The following PRDM16 variants were observed in gnomAD, a reference collection of about 807,000 sequenced individuals.
The protein encoded by PRDM16 is histone-lysine N-methyltransferase PRDM16.
A neutral mutation model predicts 110.6 loss-of-function variants in PRDM16; 23 were observed. The ratio of observed to expected loss-of-function variants is 0.21; its 90% CI spans 0.15 to 0.29. The LOEUF (loss-of-function observed/expected upper bound fraction) is 0.29, where lower values mean the gene tolerates loss of function less well. Among genes scored for constraint, PRDM16 ranks in the 10% least tolerant of loss-of-function variants. PRDM16 has a pLI of 1.00. For missense variants in PRDM16, 1,615 were observed against 1,794.3 expected (o/e 0.90, Z 1.81); for synonymous variants, 799 against 781.8 (o/e 1.02, Z -0.37).
Position 3,385,097 on chromosome 1 carries a change from GCA to G in PRDM16, c.439-54_439-53del, listed in dbSNP as rs777164667. On this transcript the variant is annotated intron_variant, in intron 3 of 16. Transcript: ENST00000270722. ...GTTTCTGGGTGGGCAGAGGCTGTGT[GCA>G]GACTCCAGCACACAGGGCACCTCTG... is the stretch of plus-strand genomic sequence containing the variant. The G allele has an allele frequency of 7.6e-4, 1,222 of 1,607,046 alleles. 1 individual carries two copies. Among genetic ancestry groups the G allele is most frequent in the Non-Finnish European group, 9.6e-4 (1,126 of 1,176,344 alleles).
chr1:3,217,663 C>G (rs1272137331), intron 2 of PRDM16, among the ~76,000 whole-genome samples: 1 of 152,190 alleles, frequency 6.6e-6, no homozygotes, highest in Non-Finnish European at 1.5e-5. Flanking sequence ...GCAGCGTTTT[C>G]ACTCACGGCC....
At chr1:3,257,735 C>T (rs374672079) in intron 3 of PRDM16, among the ~76,000 whole-genome samples, 1 of 152,138 alleles carries the variant, frequency 6.6e-6, no homozygotes, top group African/African-American at 2.4e-5. Flanking sequence ...TGCAGGCTGG[C>T]GTTTGAAGAC....
chr1:3,252,999 GC>G (rs1639968023), intron 3 of PRDM16, among the ~76,000 whole-genome samples: 1 of 152,056 alleles, frequency 6.6e-6, no homozygotes, highest in African/African-American at 2.4e-5. Context: ...CCAAACACCA[GC>G]CGCGTGTGCA....
intron 1 of PRDM16, among the ~76,000 whole-genome samples, chr1:3,173,871 C>A (rs1334928590): frequency 6.6e-6 from 1 of 152,240 alleles, no homozygotes; most frequent in Non-Finnish European, 1.5e-5. Context: ...AGGGGGCCAA[C>A]AACCTGCTTC....
chr1:3,371,988 G>T (rs544776056), intron 3 of PRDM16, among the ~76,000 whole-genome samples: 1 of 152,214 alleles, frequency 6.6e-6, no homozygotes, highest in African/African-American at 2.4e-5. Flanking sequence ...GAGAATAAGC[G>T]GATGAGAAGA....
chr1:3,260,784 A>T, intron 3 of PRDM16, among the ~76,000 whole-genome samples: 1 of 2,210 alleles, frequency 4.5e-4, no homozygotes, highest in African/African-American at 1.6e-3. Flanking sequence ...GGAGATGATG[A>T]TGATGGCAAT....
Position 3,160,685 on chromosome 1 carries a change from A to G in PRDM16, c.38-25440A>G, listed in dbSNP as rs1430250941. On this transcript the variant is annotated intron_variant, in intron 1 of 16. Transcript: ENST00000270722. ...TAGAACCCCGTCTGGGGCTGACATC[A>G]AGACCCTGATGATGACGGTGACCCT... Among the ~76,000 whole-genome samples the G allele has an allele frequency of 2.0e-5, 3 of 152,164 alleles. 1 individual carries two copies. The highest frequency in any genetic ancestry group is 4.4e-5 in the Non-Finnish European group (3 of 68,016).
intron 2 of PRDM16, among the ~76,000 whole-genome samples, chr1:3,205,321 C>T (rs1001241935): frequency 7.9e-5 from 12 of 152,120 alleles, no homozygotes; most frequent in Admixed American, 5.9e-4. Flanking sequence ...CCGGGGAGAC[C>T]GCCCCTCGTC....
At chr1:3,149,748 T>C (rs991306054) in intron 1 of PRDM16, among the ~76,000 whole-genome samples, 2 of 152,360 alleles carry the variant, frequency 1.3e-5, no homozygotes, top group African/African-American at 4.8e-5. Context: ...CCTTGTTAAT[T>C]ACCATTTCCT....
rs1638760653 is a variant in PRDM16 at position 3,206,702 on chromosome 1, A to G, written c.387+20228A>G. The G allele has an allele frequency of 6.6e-6, 1 of 152,194 alleles. No homozygotes were observed. 9.4% of individuals were successfully genotyped at this position (152,194 alleles called of 1,614,324 possible). A position where few individuals can be genotyped will look rare whatever the true frequency, so the allele number is the denominator to read the frequency against. The stretch of plus-strand genomic sequence containing the variant: ...CGTGCCTGGACCAGTAGCTTCCCAG[A>G]TGTGGCATCTGAGCAAGAGGGGCAG... On this transcript the variant is annotated intron_variant, in intron 2 of 16. Coordinates refer to ENST00000270722, the MANE Select transcript of PRDM16 (RefSeq NM_022114.4). The surrounding 1 kb of genome is among the most constrained non-coding windows in gnomAD (Gnocchi z 4.9).
intron 1 of PRDM16, among the ~76,000 whole-genome samples, chr1:3,077,987 G>A (rs1449515991): frequency 6.6e-6 from 1 of 152,208 alleles, no homozygotes; most frequent in Admixed American, 6.5e-5. Context: ...CACATGCAGT[G>A]GATGCCTCCC....
rs1377040673 is a variant in PRDM16, at chr1:3,350,954, A to G, written c.439-34198A>G. 4.6e-5 allele frequency among the ~76,000 whole-genome samples: 7 copies of G among 152,182 alleles called. No homozygotes were observed. Among genetic ancestry groups the G allele is most frequent in the Admixed American group, 3.9e-4 (6 of 15,284 alleles). ...CTCTCGCTTTATTATGGAGCCTGGG[A>G]GAAAAACAAGTCAGAAGACCATTTC... On this transcript the variant is annotated intron_variant, in intron 3 of 16. Coordinates refer to ENST00000270722, the MANE Select transcript of PRDM16 (RefSeq NM_022114.4). The surrounding 1 kb of genome is among the most constrained non-coding windows in gnomAD (Gnocchi z 7.1).
intron 1 of PRDM16, among the ~76,000 whole-genome samples, chr1:3,152,858 G>A (rs1173218159): frequency 6.6e-6 from 1 of 152,188 alleles, no homozygotes; most frequent in Non-Finnish European, 1.5e-5. Context: ...AGAGGCTTGG[G>A]CCCATCCTTG....
chr1:3,349,486 AG>A (rs1311556576), intron 3 of PRDM16, among the ~76,000 whole-genome samples: 1 of 152,104 alleles, frequency 6.6e-6, no homozygotes, highest in African/African-American at 2.4e-5. Context: ...CAGTCGGCGC[AG>A]CCACTGGGTG....
chr1:3,154,259 G>T (rs1249313013), intron 1 of PRDM16, among the ~76,000 whole-genome samples: 1 of 152,190 alleles, frequency 6.6e-6, no homozygotes, highest in Non-Finnish European at 1.5e-5. Context: ...TGTCACCACG[G>T]GCTGGCGCAC....
chr1:3,360,222 C>T (rs1278376284), intron 3 of PRDM16, among the ~76,000 whole-genome samples: 2 of 152,312 alleles, frequency 1.3e-5, no homozygotes, highest in East Asian at 1.9e-4. Context: ...CAGCTGAGGG[C>T]GCTTGCGGGC....
intron 5 of PRDM16, among the ~76,000 whole-genome samples, chr1:3,400,750 A>G (rs1479300372): frequency 6.6e-6 from 1 of 152,166 alleles, no homozygotes; most frequent in Non-Finnish European, 1.5e-5. Flanking sequence ...GGTTCAGGTC[A>G]GTGAGCAGGG....
chr1:3,071,974 CG>C (rs1276666793), intron 1 of PRDM16, among the ~76,000 whole-genome samples: 1 of 152,142 alleles, frequency 6.6e-6, no homozygotes, highest in Non-Finnish European at 1.5e-5. Flanking sequence ...GTGGCGGCTC[CG>C]GGGGTGACCC....
rs1261847516 is a variant in PRDM16, at chr1:3,255,403, A to C, written c.438+11266A>C. ...AGCCTCCCAGACGGCTCTCACCACAAAGCCAGGGCTGCCCCCGACACTTCA... is the reference window on the plus strand; with the variant it reads ...AGCCTCCCAGACGGCTCTCACCACACAGCCAGGGCTGCCCCCGACACTTCA... On this transcript the variant is annotated intron_variant, in intron 3 of 16. Transcript: ENST00000270722. This position sits in a 1 kb window ranked among gnomAD's most constrained non-coding sequence, Gnocchi z 4.7. Among the ~76,000 whole-genome samples, 1 of 152,116 alleles carries C rather than the reference A, an allele frequency of 6.6e-6. No homozygotes were observed. The highest frequency in any genetic ancestry group is 2.4e-5 in the African/African-American group (1 of 41,400).
Sources: allele counts gnomAD v4.1 joint callset (sites outside exome capture counted in the v4.1 genomes callset), GRCh38; gene constraint gnomAD v4.1.1; non-coding constraint Gnocchi (gnomAD v3.1); transcripts MANE v1.5; gene names NCBI Gene and HGNC (gene_info 2026-07-23, HGNC 2026-07-21).